The following EPAS1 variants were observed in gnomAD, a reference collection of about 807,000 sequenced individuals.
The protein encoded by EPAS1 is endothelial PAS domain-containing protein 1.
Under a neutral mutation model 87.9 loss-of-function variants are expected in EPAS1, and 23 were observed. That is an observed-to-expected ratio of 0.26 (90% CI 0.19 to 0.37). The LOEUF (loss-of-function observed/expected upper bound fraction) is 0.37, where lower values mean the gene tolerates loss of function less well. EPAS1 is among the 10% of genes least tolerant of loss of function. The pLI is 1.00. For synonymous variants in EPAS1, 508 were observed against 444.3 expected, an observed-to-expected ratio of 1.14 and a Z score of -1.80; for missense variants, 1,138 against 1,120.7, an observed-to-expected ratio of 1.02 and a Z score of -0.22.
At chr2:46,362,952 TAGTG>T (rs1279954320) in intron 6 of EPAS1, among the ~76,000 whole-genome samples, 1 of 114,742 alleles carries the variant, frequency 8.7e-6, no homozygotes. Flanking sequence ...TTGTAATTGT[TAGTG>T]GTGGTGGTGG....
chr2:46,361,094 G>C lies in EPAS1; in HGVS notation c.779+4G>C. 1 of 1,614,014 alleles carries C rather than the reference G, an allele frequency of 6.2e-7. No individual in the cohort carries two copies. The highest frequency in any genetic ancestry group is 1.7e-5 in the Admixed American group (1 of 60,018). The stretch of plus-strand genomic sequence containing the variant: ...AGTTCACCTACTGTGATGACAGGTA[G>C]GGGGCCATGGGTGTGTATGCTGTGG... On this transcript the variant is annotated splice_donor_region_variant and intron_variant, in intron 6 of 15. Coordinates refer to ENST00000263734, the MANE Select transcript of EPAS1 (RefSeq NM_001430.5).
At chr2:46,321,889 T>G (rs1683460708) in intron 1 of EPAS1, among the ~76,000 whole-genome samples, 1 of 152,168 alleles carries the variant, frequency 6.6e-6, no homozygotes, top group South Asian at 2.1e-4. Context: ...AGTAGACCTA[T>G]TTTCAGTTCG....
At chr2:46,314,327 C>A (rs192751226) in intron 1 of EPAS1, among the ~76,000 whole-genome samples, 8 of 152,180 alleles carry the variant, frequency 5.3e-5, no homozygotes, top group African/African-American at 1.2e-4. Flanking sequence ...GTGATTGGGT[C>A]GGTGTCACTC....
intron 9 of EPAS1, among the ~76,000 whole-genome samples, chr2:46,377,194 T>C (rs1174070480): frequency 3.3e-5 from 5 of 152,196 alleles, no homozygotes; most frequent in Admixed American, 2.6e-4. Context: ...GGAAGGATCA[T>C]TCCAAAAACA....
intron 1 of EPAS1, among the ~76,000 whole-genome samples, chr2:46,335,052 C>T (rs4953350): frequency 1 from 152,265 of 152,266 alleles, 76,132 homozygotes; most frequent in Middle Eastern, 1. Context: ...CACTTTTCCT[C>T]TTTCTTTGCT....
chr2:46,297,923 CAAG>C lies in EPAS1; in HGVS notation c.13_15del (p.Lys5del). The C allele has an allele frequency of 6.2e-7, 1 of 1,612,694 alleles. No individual in the cohort carries two copies. The highest frequency in any genetic ancestry group is 8.5e-7 in the Non-Finnish European group (1 of 1,179,358). On this transcript the variant is annotated inframe_deletion, in exon 1 of 16. Transcript: ENST00000263734. ...GGGCCACAGCGACAATGACAGCTGA[CAAG>C]GAGAAGAAAAGGTAAGCGGGCGTCC...
chr2:46,308,467 G>GT (rs985879748), intron 1 of EPAS1, among the ~76,000 whole-genome samples: 1 of 140,976 alleles, frequency 7.1e-6, no homozygotes, highest in Non-Finnish European at 1.6e-5. Flanking sequence ...TTTTGGGGGG[G>GT]GGGGCTCTGA....
intron 1 of EPAS1, among the ~76,000 whole-genome samples, chr2:46,324,636 C>T (rs914340875): frequency 1.3e-5 from 2 of 152,188 alleles, no homozygotes; most frequent in Non-Finnish European, 2.9e-5. Context: ...GCTGTGGCAG[C>T]CTGGCCAGGA....
intron 4 of EPAS1, among the ~76,000 whole-genome samples, chr2:46,358,689 T>C (rs928749718): frequency 6.6e-6 from 1 of 152,186 alleles, no homozygotes; most frequent in Non-Finnish European, 1.5e-5. Flanking sequence ...ATTATCTGAG[T>C]AGAACTTTAG....
In EPAS1 at chr2:46,334,905, G is replaced by C. The variant is rs531194388; in HGVS notation, c.27-11968G>C. Reference sequence around the variant, plus strand: ...CATCAGAGCAAGAGAGGGCAGAATTGGGGGAAAGCAAGTGTTCGCGCTGTG... The same window carrying C: ...CATCAGAGCAAGAGAGGGCAGAATTCGGGGAAAGCAAGTGTTCGCGCTGTG... On this transcript the variant is annotated intron_variant, in intron 1 of 15. Coordinates refer to ENST00000263734, the MANE Select transcript of EPAS1 (RefSeq NM_001430.5). Among the ~76,000 whole-genome samples, 6 of 152,272 alleles carry C rather than the reference G, an allele frequency of 3.9e-5. No individual in the cohort carries two copies. The South Asian group carries it at 1.0e-3, about 26-fold the overall frequency.
chr2:46,332,737 C>A (rs1222009389), intron 1 of EPAS1, among the ~76,000 whole-genome samples: 2 of 151,226 alleles, frequency 1.3e-5, no homozygotes, highest in African/African-American at 4.9e-5. Context: ...TATGTTATAT[C>A]ACCAGAAGGG....
chr2:46,299,290 G>A (rs1231263086), intron 1 of EPAS1, among the ~76,000 whole-genome samples: 3 of 152,212 alleles, frequency 2.0e-5, no homozygotes, highest in East Asian at 1.9e-4. Flanking sequence ...CCTTCACTGC[G>A]GGATCGCTAG....
chr2:46,384,958 C>T lies in EPAS1; in HGVS notation c.*298C>T. 1 of 422,124 alleles carries T rather than the reference C, an allele frequency of 2.4e-6. No homozygotes were observed. Among genetic ancestry groups the T allele is most frequent in the Non-Finnish European group, 4.4e-6 (1 of 225,392 alleles). 26.1% of individuals were successfully genotyped at this position (422,124 alleles called of 1,614,324 possible). The stretch of plus-strand genomic sequence containing the variant: ...ATTTATATTATCCATAGGTTTCTCT[C>T]CCTCCTTCTCCTTCTCACACACAAC... On this transcript the variant is annotated 3_prime_UTR_variant, in exon 16 of 16. Coordinates refer to ENST00000263734, the MANE Select transcript of EPAS1 (RefSeq NM_001430.5).
intron 10 of EPAS1, 144 bp downstream of exon 10, chr2:46,378,231 C>A: frequency 7.2e-7 from 1 of 1,392,380 alleles, no homozygotes; most frequent in Non-Finnish European, 9.5e-7. Flanking sequence ...ACTTACCTAC[C>A]AGGTATCAGA....
chr2:46,330,989 C>G (rs1295736451), intron 1 of EPAS1, among the ~76,000 whole-genome samples: 1 of 152,120 alleles, frequency 6.6e-6, no homozygotes, highest in Non-Finnish European at 1.5e-5. Flanking sequence ...AGCACTTGCT[C>G]CTGACTTCTG....
chr2:46,298,167 C>T (rs1435108083), intron 1 of EPAS1, among the ~76,000 whole-genome samples: 2 of 152,116 alleles, frequency 1.3e-5, no homozygotes, highest in East Asian at 3.9e-4. Flanking sequence ...TTTGCGCGCA[C>T]GGCGAGGCCA....
rs922508497 is a variant in EPAS1 at position 46,380,770 on chromosome 2, C to T, written c.2045+53C>T. On this transcript the variant is annotated intron_variant, in intron 12 of 15. Transcript: ENST00000263734. This position sits in a 1 kb window ranked among gnomAD's most constrained non-coding sequence, Gnocchi z 4.4. ...GCAGGGCCGAACCGAGAGGCACCCA[C>T]TAGTAAGATAGCTGGACCCCCAGGG... The T allele has an allele frequency of 9.4e-6, 15 of 1,600,058 alleles. No individual in the cohort carries two copies. Among genetic ancestry groups the T allele is most frequent in the Middle Eastern group, 1.7e-4 (1 of 6,046 alleles).
intron 1 of EPAS1, among the ~76,000 whole-genome samples, chr2:46,298,576 C>G (rs1682933056): frequency 6.6e-6 from 1 of 152,214 alleles, no homozygotes; most frequent in Admixed American, 6.5e-5. Context: ...AGTGAGTGAC[C>G]TGGATTGCCC....
chr2:46,311,522 G>A (rs1377907833), intron 1 of EPAS1, among the ~76,000 whole-genome samples: 1 of 152,056 alleles, frequency 6.6e-6, no homozygotes, highest in Non-Finnish European at 1.5e-5. Flanking sequence ...ATCTTGCCAT[G>A]GCTAGAAATT....
Sources: allele counts gnomAD v4.1 joint callset (sites outside exome capture counted in the v4.1 genomes callset), GRCh38; gene constraint gnomAD v4.1.1; non-coding constraint Gnocchi (gnomAD v3.1); transcripts MANE v1.5; gene names NCBI Gene and HGNC (gene_info 2026-07-23, HGNC 2026-07-21).